BACE2: variants seen among roughly 807,000 people sequenced by gnomAD.
The protein encoded by BACE2 is beta-secretase 2, also known as 56 kDa aspartic-like protease.
BACE2 carries 17 observed loss-of-function variants against 46.2 expected under a neutral mutation model. The ratio of observed to expected loss-of-function variants is 0.37; its 90% CI spans 0.25 to 0.55. The LOEUF is 0.55. Among genes scored for constraint, BACE2 ranks in the 20% least tolerant of loss-of-function variants. The probability of loss-of-function intolerance (pLI) is 0.82; values close to 1 mark genes in which losing one functional copy is unlikely to be tolerated. For synonymous variants in BACE2, 277 were observed against 295.9 expected (o/e 0.94, Z 0.66); for missense variants, 595 against 698.1 (o/e 0.85, Z 1.66).
intron 1 of BACE2, among the ~76,000 whole-genome samples, chr21:41,225,105 G>A (rs142602975): frequency 2.3e-3 from 348 of 152,090 alleles, no homozygotes; most frequent in African/African-American, 8.1e-3. Context: ...TCGGTGGCGG[G>A]CACCTGTAGT....
At chr21:41,186,102 G>A (rs1985365228) in intron 1 of BACE2, 1 of 152,268 alleles carries the variant, frequency 6.6e-6, no homozygotes, top group Non-Finnish European at 1.5e-5. Context: ...CTTAGCCAAA[G>A]GCTTTTATTT....
chr21:41,269,425 G>T (rs907199727), intron 8 of BACE2, among the ~76,000 whole-genome samples: 2 of 152,070 alleles, frequency 1.3e-5, no homozygotes, highest in Non-Finnish European at 2.9e-5. Context: ...ATATGTGTGC[G>T]CACCTTGAAA....
intron 7 of BACE2, among the ~76,000 whole-genome samples, chr21:41,256,288 T>G (rs1478962410): frequency 6.6e-6 from 1 of 151,922 alleles, no homozygotes; most frequent in Non-Finnish European, 1.5e-5. Context: ...CCTCTCCGTA[T>G]GTCCATGTGT....
chr21:41,174,139 C>CTTTTTTT (rs1328562900), intron 1 of BACE2, among the ~76,000 whole-genome samples: 1 of 48,496 alleles, frequency 2.1e-5, no homozygotes, highest in African/African-American at 1.6e-4. Context: ...GATCAGTGGC[C>CTTTTTTT]TTTTTTTTTT....
chr21:41,257,349 A>G, intron 8 of BACE2, 23 bp downstream of exon 8: 14 of 1,609,876 alleles, frequency 8.7e-6, no homozygotes, highest in Non-Finnish European at 1.0e-5. Context: ...GGCATCGAAC[A>G]GGGATCCCCG....
At chr21:41,206,472 G>T (rs1986128699) in intron 1 of BACE2, among the ~76,000 whole-genome samples, 2 of 152,222 alleles carry the variant, frequency 1.3e-5, no homozygotes, top group African/African-American at 4.8e-5. Flanking sequence ...AAGGAAGACG[G>T]TTCTGGCACA....
intron 7 of BACE2, among the ~76,000 whole-genome samples, chr21:41,254,230 T>TA (rs1198617416): frequency 6.6e-6 from 1 of 152,244 alleles, no homozygotes; most frequent in Non-Finnish European, 1.5e-5. Context: ...TGTGGCCTGT[T>TA]AAAAAACAGC....
At chr21:41,215,975 A>G (rs1398498322) in intron 1 of BACE2, among the ~76,000 whole-genome samples, 4 of 152,240 alleles carry the variant, frequency 2.6e-5, no homozygotes, top group African/African-American at 9.6e-5. Context: ...AATTCCTAGA[A>G]TAAAGGAAGG....
chr21:41,242,925 A>T (rs1009080546), intron 4 of BACE2, among the ~76,000 whole-genome samples: 7 of 151,506 alleles, frequency 4.6e-5, no homozygotes, highest in South Asian at 2.1e-4. Flanking sequence ...ATTTATTATT[A>T]TTTTTTTTAG....
intron 1 of BACE2, among the ~76,000 whole-genome samples, chr21:41,215,640 T>C (rs1010927934): frequency 6.6e-6 from 1 of 152,200 alleles, no homozygotes; most frequent in African/African-American, 2.4e-5. Flanking sequence ...GTGACTTCTA[T>C]GGGAGGCTCC....
At chr21:41,198,072 G>C (rs2123523422) in intron 1 of BACE2, among the ~76,000 whole-genome samples, 1 of 152,186 alleles carries the variant, frequency 6.6e-6, no homozygotes, top group Admixed American at 6.5e-5. Flanking sequence ...GCTCACTGCA[G>C]CCTCTGCCTC....
chr21:41,195,363 A>G (rs1330065263), intron 1 of BACE2, among the ~76,000 whole-genome samples: 1 of 152,226 alleles, frequency 6.6e-6, no homozygotes, highest in African/African-American at 2.4e-5. Flanking sequence ...GAAGCTGCAG[A>G]TGGGAGATGT....
At chr21:41,229,366 A>G (rs1427962101) in intron 2 of BACE2, among the ~76,000 whole-genome samples, 1 of 152,180 alleles carries the variant, frequency 6.6e-6, no homozygotes, top group African/African-American at 2.4e-5. Context: ...AGAAGCAGTA[A>G]AGCACAGTAA....
chr21:41,182,457 T>C (rs1230037490), intron 1 of BACE2: 1 of 167,006 alleles, frequency 6.0e-6, no homozygotes, highest in Non-Finnish European at 1.5e-5. Flanking sequence ...TATTTTTTCC[T>C]TTGTGGGGAA....
At chr21:41,190,814 ACTGAT>A (rs1985544533) in intron 1 of BACE2, among the ~76,000 whole-genome samples, 1 of 152,168 alleles carries the variant, frequency 6.6e-6, no homozygotes, top group Non-Finnish European at 1.5e-5. Flanking sequence ...GGAGTAGTAG[ACTGAT>A]TTCATCTTGA....
intron 1 of BACE2, among the ~76,000 whole-genome samples, chr21:41,209,179 G>T (rs1002749739): frequency 6.6e-5 from 10 of 152,226 alleles, no homozygotes; most frequent in African/African-American, 2.2e-4. Context: ...GCAGCAATAA[G>T]GATTCTGATT....
At position 41,174,138 on chromosome 21, in the gene BACE2, CCTTTTTTT is replaced by C. The variant is rs1454379845; in HGVS notation, c.312+5564_312+5571del. ...TAAGGATAGCTGTTGTGATCAGTGG[CCTTTTTTT>C]TTTTTTTTTTTTTTTTTTAAACAGT... is the stretch of plus-strand genomic sequence containing the variant. On this transcript the variant is annotated intron_variant, in intron 1 of 8. Coordinates refer to ENST00000330333, the MANE Select transcript of BACE2 (RefSeq NM_012105.5). Among the ~76,000 whole-genome samples, 17 of 70,650 alleles carry C rather than the reference CCTTTTTTT, an allele frequency of 2.4e-4. 2 individuals carry two copies. In the South Asian group the frequency reaches 8.2e-3, roughly 34 times the overall value. 46.3% of individuals were successfully genotyped at this position (70,650 alleles called of 152,430 possible). A position where few individuals can be genotyped will look rare whatever the true frequency, so the allele number is the denominator to read the frequency against.
intron 1 of BACE2, among the ~76,000 whole-genome samples, chr21:41,203,877 GC>G (rs1401726912): frequency 5.3e-5 from 8 of 152,232 alleles, no homozygotes; most frequent in Admixed American, 4.6e-4. Flanking sequence ...CAGCAGGTCA[GC>G]CGTGGCTGGA....
chr21:41,262,611 A>C (rs1987969080), intron 8 of BACE2, among the ~76,000 whole-genome samples: 1 of 152,132 alleles, frequency 6.6e-6, no homozygotes, highest in Non-Finnish European at 1.5e-5. Context: ...CTTGAGAAGA[A>C]ACCAAATCTT....
Sources: allele counts gnomAD v4.1 joint callset (sites outside exome capture counted in the v4.1 genomes callset), GRCh38; gene constraint gnomAD v4.1.1; transcripts MANE v1.5; gene names NCBI Gene and HGNC (gene_info 2026-07-23, HGNC 2026-07-21).